Variants in PSEN1 observed in about 807,000 individuals in gnomAD.
PSEN1 encodes the protein presenilin-1.
Under a neutral mutation model 53.5 loss-of-function variants are expected in PSEN1, and 15 were observed. That is an observed-to-expected ratio of 0.28 (90% confidence interval 0.19 to 0.43). The LOEUF (loss-of-function observed/expected upper bound fraction) is 0.43, where lower values mean the gene tolerates loss of function less well. Among genes scored for constraint, PSEN1 ranks in the 20% least tolerant of loss-of-function variants. The probability of loss-of-function intolerance (pLI) is 1.00; values close to 1 mark genes in which losing one functional copy is unlikely to be tolerated. For synonymous variants in PSEN1, 208 were observed against 209.8 expected, an observed-to-expected ratio of 0.99 and a Z score of 0.08; for missense variants, 387 against 571.2, an observed-to-expected ratio of 0.68 and a Z score of 3.29.
intron 1 of PSEN1, among the ~76,000 whole-genome samples, chr14:73,147,133 G>T (rs1347184035): frequency 6.6e-6 from 1 of 150,918 alleles, no homozygotes; most frequent in South Asian, 2.1e-4. Context: ...TTACAGATGC[G>T]CGCCACCACA....
At chr14:73,143,947 A>G (rs1896994561) in intron 1 of PSEN1, among the ~76,000 whole-genome samples, 1 of 126,124 alleles carries the variant, frequency 7.9e-6, no homozygotes, top group Non-Finnish European at 1.6e-5. Flanking sequence ...TATGATTGCC[A>G]CTGTACTCCA....
chr14:73,222,327 T>C lies in PSEN1; in HGVS notation c.*3038T>C, dbSNP rs1566659719. The C allele has an allele frequency of 6.6e-6, 1 of 152,238 alleles. No homozygotes were observed. Among genetic ancestry groups the C allele is most frequent in the Non-Finnish European group, 1.5e-5 (1 of 68,046 alleles). The allele number at this position is 152,238 out of a possible 1,614,324, so 9.4% of individuals were successfully genotyped here. A position where few individuals can be genotyped will look rare whatever the true frequency, so the allele number is the denominator to read the frequency against. On this transcript the variant is annotated 3_prime_UTR_variant, in exon 12 of 12. Coordinates refer to ENST00000324501, the MANE Select transcript of PSEN1 (RefSeq NM_000021.4). Reference sequence around the variant, plus strand: ...CGGGATTCCCATTCTGTAGTCTCTCTGCTTTTAAAAACCCTCCTTTTGCAA... The same window carrying C: ...CGGGATTCCCATTCTGTAGTCTCTCCGCTTTTAAAAACCCTCCTTTTGCAA...
intron 7 of PSEN1, among the ~76,000 whole-genome samples, chr14:73,197,405 A>T (rs1899000135): frequency 6.6e-6 from 1 of 152,210 alleles, no homozygotes; most frequent in Non-Finnish European, 1.5e-5. Flanking sequence ...AATATTTGTG[A>T]CCAAAGAGTA....
chr14:73,161,100 G>A (rs1385314915), intron 3 of PSEN1, among the ~76,000 whole-genome samples: 1 of 150,782 alleles, frequency 6.6e-6, no homozygotes. Flanking sequence ...TCAGCCTCCT[G>A]AGTAGCTGGA....
At chr14:73,218,086 C>CTTTTTTT (rs58637970) in intron 11 of PSEN1, among the ~76,000 whole-genome samples, 4 of 97,896 alleles carry the variant, frequency 4.1e-5, no homozygotes, top group African/African-American at 4.4e-5. Flanking sequence ...CCGCACCTGG[C>CTTTTTTT]TTTTTTTTTT....
At chr14:73,208,553 C>G (rs1222249326) in intron 9 of PSEN1, among the ~76,000 whole-genome samples, 2 of 151,682 alleles carry the variant, frequency 1.3e-5, no homozygotes, top group Non-Finnish European at 2.9e-5. Context: ...TCTCTGCAGC[C>G]CTCAGTGGAG....
intron 8 of PSEN1, among the ~76,000 whole-genome samples, chr14:73,201,944 G>A (rs1390068416): frequency 3.3e-5 from 5 of 151,850 alleles, no homozygotes; most frequent in East Asian, 1.9e-4. Context: ...TTGGGGTTTC[G>A]CCACATTGGC....
At chr14:73,205,013 A>ATC (rs1243587054) in intron 8 of PSEN1, among the ~76,000 whole-genome samples, 2 of 152,204 alleles carry the variant, frequency 1.3e-5, no homozygotes, top group Non-Finnish European at 2.9e-5. Context: ...TGGTTGGGTT[A>ATC]TCCTATAATG....
At chr14:73,165,543 C>G (rs965115101) in intron 3 of PSEN1, among the ~76,000 whole-genome samples, 17 of 148,942 alleles carry the variant, frequency 1.1e-4, no homozygotes, top group Non-Finnish European at 2.4e-4. Flanking sequence ...GTCAGGAGTT[C>G]GAGACCAGCC....
At chr14:73,180,835 TAAC>T (rs534289847) in intron 5 of PSEN1, among the ~76,000 whole-genome samples, 5 of 152,198 alleles carry the variant, frequency 3.3e-5, no homozygotes, top group Non-Finnish European at 7.4e-5. Flanking sequence ...CATATGAAAA[TAAC>T]AAATTAACAT....
intron 1 of PSEN1, among the ~76,000 whole-genome samples, chr14:73,143,422 A>C (rs892100883): frequency 6.6e-6 from 1 of 152,184 alleles, no homozygotes; most frequent in Non-Finnish European, 1.5e-5. Flanking sequence ...GGCATTGTTT[A>C]CACTCTCTCT....
intron 3 of PSEN1, among the ~76,000 whole-genome samples, chr14:73,149,870 C>T (rs1302231085): frequency 3.9e-5 from 6 of 152,108 alleles, no homozygotes; most frequent in Admixed American, 3.3e-4. Flanking sequence ...TTTCTCATTC[C>T]AAAGGTTAAA....
intron 7 of PSEN1, 23 bp downstream of exon 7, chr14:73,192,887 T>C: frequency 6.4e-7 from 1 of 1,564,168 alleles, no homozygotes; most frequent in Non-Finnish European, 8.8e-7. Flanking sequence ...ACTGATAATT[T>C]GTTTGTCACA....
intron 3 of PSEN1, among the ~76,000 whole-genome samples, chr14:73,148,852 G>A (rs1897142301): frequency 1.3e-5 from 2 of 152,160 alleles, no homozygotes. Context: ...AGAATCGCTG[G>A]AACCCAGGAG....
chr14:73,201,832 C>T (rs1445229109), intron 8 of PSEN1, among the ~76,000 whole-genome samples: 2 of 151,990 alleles, frequency 1.3e-5, no homozygotes, highest in African/African-American at 4.8e-5. Flanking sequence ...CTGCAACCCC[C>T]GCCTCCCAAG....
rs549173450 is a variant in PSEN1, at chr14:73,172,586, G to A, written c.339-980G>A. Among the ~76,000 whole-genome samples, 198 of 152,202 alleles carry A rather than the reference G, an allele frequency of 1.3e-3. 1 individual carries two copies. The highest frequency in any genetic ancestry group is 2.1e-3 in the Non-Finnish European group (144 of 68,048). On this transcript the variant is annotated intron_variant, in intron 4 of 11. Coordinates refer to ENST00000324501, the MANE Select transcript of PSEN1 (RefSeq NM_000021.4). Reference sequence around the variant, plus strand: ...CTTGGTTTATACATTGTCTGTGGCTGCTTTCACACTACAGTAGCACAGTTG... The same window carrying A: ...CTTGGTTTATACATTGTCTGTGGCTACTTTCACACTACAGTAGCACAGTTG...
At chr14:73,149,840 A>G (rs534855792) in intron 3 of PSEN1, among the ~76,000 whole-genome samples, 1 of 152,380 alleles carries the variant, frequency 6.6e-6, no homozygotes, top group East Asian at 1.9e-4. Flanking sequence ...TAGTTCAAAT[A>G]GAAGATAACA....
At chr14:73,140,963 TG>T (rs1896909375) in intron 1 of PSEN1, among the ~76,000 whole-genome samples, 1 of 152,218 alleles carries the variant, frequency 6.6e-6, no homozygotes, top group Non-Finnish European at 1.5e-5. Context: ...TGCCTTATTC[TG>T]GGGCCCAGGC....
chr14:73,208,951 C>T, intron 9 of PSEN1: 1 of 448,278 alleles, frequency 2.2e-6, no homozygotes, highest in Non-Finnish European at 4.5e-6. Context: ...GTCTCCCTCC[C>T]ATGCTTGTCA....
Sources: allele counts gnomAD v4.1 joint callset (sites outside exome capture counted in the v4.1 genomes callset), GRCh38; gene constraint gnomAD v4.1.1; transcripts MANE v1.5; gene names NCBI Gene and HGNC (gene_info 2026-07-23, HGNC 2026-07-21).